The following GALNT15 variants were observed in gnomAD, a reference collection of about 807,000 sequenced individuals.
GALNT15 encodes the protein polypeptide N-acetylgalactosaminyltransferase 15.
A neutral mutation model predicts 66.8 loss-of-function variants in GALNT15; 67 were observed. That is an observed-to-expected ratio of 1.00 (90% confidence interval 0.82 to 1.23). GALNT15 has a LOEUF of 1.23. GALNT15 is among the 50% of genes most tolerant of loss of function. GALNT15 has a pLI of 0.00. For missense variants in GALNT15, 827 were observed against 804.3 expected (o/e 1.03, Z -0.34); for synonymous variants, 313 against 311.5 (o/e 1.00, Z -0.05).
chr3:16,175,020 C>T lies in GALNT15; in HGVS notation c.-132C>T. 2.7e-6 allele frequency: 2 copies of T among 753,578 alleles called. No individual in the cohort carries two copies. Among genetic ancestry groups the T allele is most frequent in the East Asian group, 5.3e-5 (2 of 37,538 alleles). The allele number at this position is 753,578 out of a possible 1,614,324, so 46.7% of individuals were successfully genotyped here. ...ACACGCTGTTGGCAAATGTCAGGAC[C>T]AGGTTAAGTGACTGGCAGAAAAACT... On this transcript the variant is annotated 5_prime_UTR_variant, in exon 1 of 10. Coordinates refer to ENST00000339732, the MANE Select transcript of GALNT15 (RefSeq NM_054110.5). The surrounding 1 kb of genome is among the most constrained non-coding windows in gnomAD (Gnocchi z 5.6).
In GALNT15 at chr3:16,186,770, C is replaced by T. The variant is rs570071614; in HGVS notation, c.540-8990C>T. ...ACAGAAAGTAGGTTAGTGGTTGCCA[C>T]GGGCTGTGGTAGTTGTGGGAGCAGT... On this transcript the variant is annotated intron_variant, in intron 1 of 9. Transcript: ENST00000339732. This position sits in a 1 kb window ranked among gnomAD's most constrained non-coding sequence, Gnocchi z 5.1. Among the ~76,000 whole-genome samples, 65 of 152,240 alleles carry T rather than the reference C, an allele frequency of 4.3e-4. No homozygotes were observed. In the South Asian group the frequency reaches 4.6e-3, roughly 11 times the overall value.
At position 16,187,199 on chromosome 3, in the gene GALNT15, G is replaced by A. The variant is rs553926452; in HGVS notation, c.540-8561G>A. On this transcript the variant is annotated intron_variant, in intron 1 of 9. Transcript: ENST00000339732. This position sits in a 1 kb window ranked among gnomAD's most constrained non-coding sequence, Gnocchi z 5.1. ...GAATCGCCTGAACCTGGGAGGTGGA[G>A]GTTGCAGTGAGCTAAGATAATGCCA... is the stretch of plus-strand genomic sequence containing the variant. Among the ~76,000 whole-genome samples, 3 of 152,256 alleles carry A rather than the reference G, an allele frequency of 2.0e-5. No individual in the cohort carries two copies. Among genetic ancestry groups the A allele is most frequent in the Non-Finnish European group, 4.4e-5 (3 of 68,024 alleles).
Position 16,195,708 on chromosome 3 carries a change from T to A in GALNT15, c.540-52T>A, listed in dbSNP as rs1247505502. 7 of 1,524,966 alleles carry A rather than the reference T, an allele frequency of 4.6e-6. No individual in the cohort carries two copies. The highest frequency in any genetic ancestry group is 6.3e-6 in the Non-Finnish European group (7 of 1,113,998). 94.5% of individuals were successfully genotyped at this position (1,524,966 alleles called of 1,614,324 possible). On this transcript the variant is annotated intron_variant, in intron 1 of 9. Coordinates refer to ENST00000339732, the MANE Select transcript of GALNT15 (RefSeq NM_054110.5). This position sits in a 1 kb window ranked among gnomAD's most constrained non-coding sequence, Gnocchi z 4.6. ...AGGAAGCGAGTTAGAGGGTGTGGAG[T>A]GTTTCTTGTGGCCTTCTCTTCCCCA...
At chr3:16,192,443 G>A (rs2063588902) in intron 1 of GALNT15, among the ~76,000 whole-genome samples, 1 of 151,806 alleles carries the variant, frequency 6.6e-6, no homozygotes, top group Non-Finnish European at 1.5e-5. Flanking sequence ...CAGCCTCCCG[G>A]CAACAAGCCC....
the GALNT15 span, among the ~76,000 whole-genome samples, chr3:16,245,340 C>G: frequency 6.6e-6 from 1 of 152,210 alleles, no homozygotes; most frequent in Non-Finnish European, 1.5e-5. Context: ...GAAACCCAAA[C>G]TAAACCACAC....
rs950734474 is a variant in GALNT15 at position 16,225,810 on chromosome 3, G to T, written c.1774-1544G>T. Among the ~76,000 whole-genome samples, 1 of 151,724 alleles carries T rather than the reference G, an allele frequency of 6.6e-6. No homozygotes were observed. The highest frequency in any genetic ancestry group is 2.4e-5 in the African/African-American group (1 of 41,308). On this transcript the variant is annotated intron_variant, in intron 9 of 9. Coordinates refer to ENST00000339732, the MANE Select transcript of GALNT15 (RefSeq NM_054110.5). This position sits in a 1 kb window ranked among gnomAD's most constrained non-coding sequence, Gnocchi z 4.4. ...CCAACACTTTGAGAGGCAGAGGTGG[G>T]TGGATCACTTGAGGTCAGGAGTTCG... is the stretch of plus-strand genomic sequence containing the variant.
chr3:16,226,820 TGAAAA>T (rs1293408529), intron 9 of GALNT15, among the ~76,000 whole-genome samples: 1 of 152,206 alleles, frequency 6.6e-6, no homozygotes, highest in Non-Finnish European at 1.5e-5. Context: ...AAATTTTTCT[TGAAAA>T]GGAGAAGATT....
At position 16,200,628 on chromosome 3, in the gene GALNT15, A is replaced by G. The variant is rs759127078; in HGVS notation, c.716A>G (p.Lys239Arg). 1.9e-6 allele frequency: 3 copies of G among 1,558,608 alleles called. No individual in the cohort carries two copies. The highest frequency in any genetic ancestry group is 1.9e-5 in the Admixed American group (1 of 53,568). ...VDDLSQQGQL[K>R]SALSEYVARL... is the part of the protein sequence containing the mutation. ...ACCCTGTTGATTCCAGGACAACTCA[A>G]GTCTGCTCTCAGCGAATATGTGGCC... The change falls in exon 3 of 10, where the codon AAG (lysine) becomes AGG (arginine). Residue 239 changes from lysine to arginine, a missense_variant. By Grantham distance (26) the Lys-to-Arg change is conservative. Coordinates refer to ENST00000339732, the MANE Select transcript of GALNT15 (RefSeq NM_054110.5). The surrounding 1 kb of genome is among the most constrained non-coding windows in gnomAD (Gnocchi z 4.4).
intron 6 of GALNT15, among the ~76,000 whole-genome samples, chr3:16,216,562 A>G (rs1358565428): frequency 6.6e-6 from 1 of 151,912 alleles, no homozygotes; most frequent in Non-Finnish European, 1.5e-5. Flanking sequence ...GAACAGGGCC[A>G]AGTGGGGGAC....
chr3:16,239,476 C>G, the GALNT15 span, among the ~76,000 whole-genome samples: 1 of 152,126 alleles, frequency 6.6e-6, no homozygotes, highest in Non-Finnish European at 1.5e-5. The surrounding 1 kb of genome is among the most constrained non-coding windows in gnomAD (Gnocchi z 5.2). Flanking sequence ...GCTCACAATT[C>G]CTGGGTATTA....
the GALNT15 span, among the ~76,000 whole-genome samples, chr3:16,247,305 T>C: frequency 6.6e-6 from 1 of 152,242 alleles, no homozygotes; most frequent in Non-Finnish European, 1.5e-5. Context: ...ACATGTCTTT[T>C]CATTTAATCC....
the GALNT15 span, among the ~76,000 whole-genome samples, chr3:16,245,609 A>T: frequency 6.6e-6 from 1 of 152,186 alleles, no homozygotes; most frequent in Non-Finnish European, 1.5e-5. Context: ...CTGAAATTGA[A>T]CCGGTTTGGT....
rs763271315 is a variant in GALNT15 at position 16,227,389 on chromosome 3, C to T, written c.1809C>T (p.Cys603=). 4 of 1,613,900 alleles carry T rather than the reference C, an allele frequency of 2.5e-6. No individual in the cohort carries two copies. The South Asian group carries it at 3.3e-5, about 13-fold the overall frequency. Residue 603 remains cysteine, a synonymous_variant, in exon 10 of 10, where the codon TGC becomes TGT. Coordinates refer to ENST00000339732, the MANE Select transcript of GALNT15 (RefSeq NM_054110.5). The surrounding 1 kb of genome is among the most constrained non-coding windows in gnomAD (Gnocchi z 4.5). The part of the protein sequence containing the change: ...GMIVHILSGK[C]MEAVVQENNK... Reference sequence around the variant, plus strand: ...TTGTCCACATTCTTTCTGGGAAATGCATGGAAGCTGTGGTGCAAGAAAACA... The same window carrying T: ...TTGTCCACATTCTTTCTGGGAAATGTATGGAAGCTGTGGTGCAAGAAAACA...
intron 3 of GALNT15, among the ~76,000 whole-genome samples, chr3:16,202,255 G>A (rs1397277836): frequency 6.6e-6 from 1 of 152,234 alleles, no homozygotes; most frequent in Middle Eastern, 3.2e-3. Flanking sequence ...CCAGTTTCAT[G>A]AGACAGATTG....
At position 16,218,795 on chromosome 3, in the gene GALNT15, A is replaced by ACTCT. The variant is rs202204968; in HGVS notation, c.1393-595_1393-592dup. The stretch of plus-strand genomic sequence containing the variant: ...AATCATTAAAGCACAGATATCATAG[A>ACTCT]CTCTCTCTCTCTCTCTTTTTTTTTT... On this transcript the variant is annotated intron_variant, in intron 6 of 9. Coordinates refer to ENST00000339732, the MANE Select transcript of GALNT15 (RefSeq NM_054110.5). Among the ~76,000 whole-genome samples the ACTCT allele has an allele frequency of 9.9e-5, 13 of 131,680 alleles. 1 individual carries two copies. Among genetic ancestry groups the ACTCT allele is most frequent in the African/African-American group, 3.8e-4 (13 of 34,624 alleles). The allele number at this position is 131,680 out of a possible 152,430, so 86.4% of individuals were successfully genotyped here.
chr3:16,177,685 T>C (rs2124833083), intron 1 of GALNT15, among the ~76,000 whole-genome samples: 1 of 152,362 alleles, frequency 6.6e-6, no homozygotes, highest in South Asian at 2.1e-4. Flanking sequence ...GCCACATGCA[T>C]TGTTCATCTG....
chr3:16,224,632 CTTTTT>C lies in GALNT15; in HGVS notation c.1773+1890_1773+1894del, dbSNP rs34368462. Reference sequence around the variant, plus strand: ...TTTAACACTATTGTAGTAGGCTATTCTTTTTTTTTTTTTTTTTTTTAAAGAGGGAG... The same window carrying C: ...TTTAACACTATTGTAGTAGGCTATTCTTTTTTTTTTTTTTTAAAGAGGGAG... On this transcript the variant is annotated intron_variant, in intron 9 of 9. Coordinates refer to ENST00000339732, the MANE Select transcript of GALNT15 (RefSeq NM_054110.5). This position sits in a 1 kb window ranked among gnomAD's most constrained non-coding sequence, Gnocchi z 5.2. Among the ~76,000 whole-genome samples, 10 of 131,954 alleles carry C rather than the reference CTTTTT, an allele frequency of 7.6e-5. No individual in the cohort carries two copies. The highest frequency in any genetic ancestry group is 8.0e-5 in the Non-Finnish European group (5 of 62,462). 86.6% of individuals were successfully genotyped at this position (131,954 alleles called of 152,430 possible).
rs886829020 is a variant in GALNT15, at chr3:16,209,369, C to T, written c.1079+699C>T. Among the ~76,000 whole-genome samples, 20 of 152,152 alleles carry T rather than the reference C, an allele frequency of 1.3e-4. No individual in the cohort carries two copies. Among genetic ancestry groups the T allele is most frequent in the African/African-American group, 4.1e-4 (17 of 41,434 alleles). ...TTAAAGTTTCCCAACACTATAAAGC[C>T]AGTGAGAGGTGAATCCAGAATTTAA... On this transcript the variant is annotated intron_variant, in intron 4 of 9. Coordinates refer to ENST00000339732, the MANE Select transcript of GALNT15 (RefSeq NM_054110.5). The surrounding 1 kb of genome is among the most constrained non-coding windows in gnomAD (Gnocchi z 4.1).
In GALNT15 at chr3:16,191,258, C is replaced by T. The variant is rs977353388; in HGVS notation, c.540-4502C>T. On this transcript the variant is annotated intron_variant, in intron 1 of 9. Coordinates refer to ENST00000339732, the MANE Select transcript of GALNT15 (RefSeq NM_054110.5). This position sits in a 1 kb window ranked among gnomAD's most constrained non-coding sequence, Gnocchi z 5.2. ...TTCTGCCTCCTTCTTCCTCCTGCTG[C>T]GGGAAGGAGCCCCCAAAGAATCAAG... 28 of 837,890 alleles carry T rather than the reference C, an allele frequency of 3.3e-5. No individual in the cohort carries two copies. The highest frequency in any genetic ancestry group is 9.2e-5 in the African/African-American group (5 of 54,208). The allele number at this position is 837,890 out of a possible 1,614,324, so 51.9% of individuals were successfully genotyped here.
Sources: allele counts gnomAD v4.1 joint callset (sites outside exome capture counted in the v4.1 genomes callset), GRCh38; gene constraint gnomAD v4.1.1; non-coding constraint Gnocchi (gnomAD v3.1); transcripts MANE v1.5; gene names NCBI Gene and HGNC (gene_info 2026-07-23, HGNC 2026-07-21).